The following TECPR1 variants were observed in gnomAD, a reference collection of about 807,000 sequenced individuals.
TECPR1 encodes the protein tectonin beta-propeller repeat containing 1.
Under a neutral mutation model 162.4 loss-of-function variants are expected in TECPR1, and 122 were observed. The observed-to-expected ratio is 0.75, with a 90% CI of 0.65 to 0.87. TECPR1 has a LOEUF of 0.87. TECPR1 is among the 40% of genes least tolerant of loss of function. The pLI is 0.00. For synonymous variants in TECPR1, 642 were observed against 670.6 expected (o/e 0.96, Z 0.66); for missense variants, 1,432 against 1,618.2 (o/e 0.88, Z 1.97).
chr7:98,240,971 C>T lies in TECPR1; in HGVS notation c.833-20G>A. On this transcript the variant is annotated intron_variant, in intron 7 of 25. Transcript: ENST00000447648. ...AACTTCCTACCGGGCCCCCAAGAAA[C>T]CCCCAGTGGCCCCCATCAGCCTGGA... The T allele has an allele frequency of 1.3e-6, 2 of 1,591,898 alleles. No homozygotes were observed. The highest frequency in any genetic ancestry group is 1.7e-6 in the Non-Finnish European group (2 of 1,170,504).
Position 98,218,085 on chromosome 7 carries a change from G to A in TECPR1, c.3158-43C>T, listed in dbSNP as rs757108507. The A allele has an allele frequency of 2.3e-5, 34 of 1,487,686 alleles. 1 individual carries two copies. The highest frequency in any genetic ancestry group is 3.7e-5 in the South Asian group (3 of 81,912). 92.2% of individuals were successfully genotyped at this position (1,487,686 alleles called of 1,614,324 possible). On this transcript the variant is annotated intron_variant, in intron 23 of 25. Transcript: ENST00000447648. ...GAGGGTCAAAGGGGAAGACCTTCCC[G>A]GCCCCTCCTGCCCGTGCGGCCCGGC...
intron 2 of TECPR1, among the ~76,000 whole-genome samples, chr7:98,246,449 T>G (rs1427832968): frequency 6.6e-6 from 1 of 151,968 alleles, no homozygotes; most frequent in Non-Finnish European, 1.5e-5. Context: ...GTATTTTTAG[T>G]AGAGACGGGG....
At chr7:98,236,973 C>T (rs1033949884) in intron 9 of TECPR1, 52 bp from the exon 10 acceptor site, 1 of 1,472,390 alleles carries the variant, frequency 6.8e-7, no homozygotes, top group East Asian at 2.5e-5. Context: ...CCCGGGGGCT[C>T]TTCTCGCTTC....
rs1798733255 is a variant in TECPR1, at chr7:98,241,026, C to T, written c.832+44G>A. 1.3e-6 allele frequency: 2 copies of T among 1,588,120 alleles called. No homozygotes were observed. Among genetic ancestry groups the T allele is most frequent in the Non-Finnish European group, 1.7e-6 (2 of 1,167,540 alleles). On this transcript the variant is annotated intron_variant, in intron 7 of 25. Transcript: ENST00000447648. This position sits in a 1 kb window ranked among gnomAD's most constrained non-coding sequence, Gnocchi z 5.0. ...TGGGGAGCGAGTGACCCTCACCCTT[C>T]TCCCCAGTACAGGGTATGTGGGTGG...
intron 16 of TECPR1, chr7:98,228,800 A>G: frequency 2.1e-6 from 1 of 478,762 alleles, no homozygotes; most frequent in Non-Finnish European, 3.7e-6. Context: ...GAGAGGCTGG[A>G]CATGCTGGTG....
chr7:98,218,179 T>C (rs1392929759), intron 23 of TECPR1, 137 bp from the exon 24 acceptor site: 2 of 678,380 alleles, frequency 2.9e-6, no homozygotes, highest in African/African-American at 1.8e-5. Context: ...AGGAGGGTCC[T>C]GGCCCCTGAG....
At chr7:98,242,266 AAG>A (rs1798770113) in intron 6 of TECPR1, among the ~76,000 whole-genome samples, 1 of 152,148 alleles carries the variant, frequency 6.6e-6, no homozygotes, top group Admixed American at 6.5e-5. Flanking sequence ...GTGCAACAGA[AAG>A]CCATGACTCG....
rs1173196791 is a variant in TECPR1 at position 98,232,443 on chromosome 7, G to A, written c.1818+384C>T. On this transcript the variant is annotated intron_variant, in intron 12 of 25. Coordinates refer to ENST00000447648, the MANE Select transcript of TECPR1 (RefSeq NM_015395.3). This position sits in a 1 kb window ranked among gnomAD's most constrained non-coding sequence, Gnocchi z 4.6. ...GGGCAGAAGCAGGGTCAGCCCAGGG[G>A]TGGGGTCTCCGGCCGCCCTCTGTGC... 2.0e-5 allele frequency among the ~76,000 whole-genome samples: 3 copies of A among 152,042 alleles called. No homozygotes were observed. The highest frequency in any genetic ancestry group is 4.4e-5 in the Non-Finnish European group (3 of 68,000).
At position 98,232,873 on chromosome 7, in the gene TECPR1, T is replaced by G; in HGVS notation, c.1772A>C (p.Lys591Thr). Residue 591 changes from lysine to threonine, a missense_variant, in exon 12 of 26, where the codon AAG becomes ACG. Transcript: ENST00000447648. The surrounding 1 kb of genome is among the most constrained non-coding windows in gnomAD (Gnocchi z 4.6). ...QIFQQLTERT[K>T]RELENFRHYE... ...GTGTCTGAAGTTCTCCAGCTCCCGCTTGGTCCTTTCCGTGAGCTGCTGGAA... is the reference window on the plus strand; with the variant it reads ...GTGTCTGAAGTTCTCCAGCTCCCGCGTGGTCCTTTCCGTGAGCTGCTGGAA... 6.2e-7 allele frequency: 1 copy of G among 1,612,660 alleles called. No individual in the cohort carries two copies. The highest frequency in any genetic ancestry group is 8.5e-7 in the Non-Finnish European group (1 of 1,179,772).
chr7:98,248,942 G>A (rs898210926), intron 2 of TECPR1, among the ~76,000 whole-genome samples: 1 of 150,350 alleles, frequency 6.7e-6, no homozygotes, highest in African/African-American at 2.5e-5. Context: ...AGGCTGGAGT[G>A]CAGTGGCATA....
At chr7:98,224,170 G>A (rs1025627723) in intron 19 of TECPR1, among the ~76,000 whole-genome samples, 25 of 152,290 alleles carry the variant, frequency 1.6e-4, no homozygotes, top group African/African-American at 5.1e-4. Flanking sequence ...GGCTGTGGCC[G>A]AGGGGACGGT....
At chr7:98,233,066 C>T (rs1347650992) in intron 11 of TECPR1, 94 bp from the exon 12 acceptor site, 1 of 1,419,438 alleles carries the variant, frequency 7.0e-7, no homozygotes, top group Non-Finnish European at 9.4e-7. Context: ...TCAGCCCTTT[C>T]TAGCTCAAAA....
chr7:98,226,593 T>C lies in TECPR1; in HGVS notation c.2513+1421A>G, dbSNP rs1480993016. 6 of 1,038,734 alleles carry C rather than the reference T, an allele frequency of 5.8e-6. No homozygotes were observed. The African/African-American group carries it at 6.8e-5, about 12-fold the overall frequency. The allele number at this position is 1,038,734 out of a possible 1,614,324, so 64.3% of individuals were successfully genotyped here. ...GAGATTAGAGTTGTCAGAGAGTTTGTTGTTTCTATTACTAAGTGTTTATTT... is the reference window on the plus strand; with the variant it reads ...GAGATTAGAGTTGTCAGAGAGTTTGCTGTTTCTATTACTAAGTGTTTATTT... On this transcript the variant is annotated intron_variant, in intron 17 of 25. Transcript: ENST00000447648.
rs1442352290 is a variant in TECPR1, at chr7:98,231,961, T to G, written c.1819-2A>C. ...CGCCCCGGTCTTCACCCACACCGAC[T>G]GCGCAGGCCGGGGCAGTGGACACCA... is the stretch of plus-strand genomic sequence containing the variant. On this transcript the variant is annotated splice_acceptor_variant, in intron 12 of 25. Coordinates refer to ENST00000447648, the MANE Select transcript of TECPR1 (RefSeq NM_015395.3). LOFTEE classifies it high-confidence loss of function. The G allele has an allele frequency of 3.1e-6, 5 of 1,600,660 alleles. No homozygotes were observed. Among genetic ancestry groups the G allele is most frequent in the Non-Finnish European group, 4.2e-6 (5 of 1,178,548 alleles).
chr7:98,218,783 G>A (rs1272400424), intron 23 of TECPR1, among the ~76,000 whole-genome samples: 2 of 151,936 alleles, frequency 1.3e-5, no homozygotes, highest in African/African-American at 2.4e-5. Context: ...ATCAGTGGAA[G>A]AATCAATATC....
intron 2 of TECPR1, 42 bp downstream of exon 2, chr7:98,251,352 G>A (rs997532601): frequency 6.6e-6 from 1 of 152,290 alleles, no homozygotes; most frequent in East Asian, 1.9e-4. Flanking sequence ...AGATGTGGTA[G>A]AGGAAAAGAC....
intron 8 of TECPR1, among the ~76,000 whole-genome samples, chr7:98,239,665 CA>C (rs1391565190): frequency 6.6e-6 from 1 of 152,110 alleles, no homozygotes; most frequent in African/African-American, 2.4e-5. Context: ...GTGGGGTGAC[CA>C]GGATCCAATG....
rs756024316 is a variant in TECPR1, at chr7:98,243,425, G to A, written c.657+42C>T. ...GCACAGGACAGGACCCACAGGAGGT[G>A]GGATCGTGGGGAGCCAGGGCAGGGA... On this transcript the variant is annotated intron_variant, in intron 6 of 25. Transcript: ENST00000447648. 2.2e-5 allele frequency: 35 copies of A among 1,608,452 alleles called. No individual in the cohort carries two copies. In the Admixed American group the frequency reaches 3.2e-4, roughly 15 times the overall value.
chr7:98,227,890 C>A, intron 17 of TECPR1, 124 bp downstream of exon 17: 1 of 668,640 alleles, frequency 1.5e-6, no homozygotes. Context: ...CGGTTAGTTT[C>A]CTGCTGGCGG....
Sources: allele counts gnomAD v4.1 joint callset (sites outside exome capture counted in the v4.1 genomes callset), GRCh38; gene constraint gnomAD v4.1.1; non-coding constraint Gnocchi (gnomAD v3.1); transcripts MANE v1.5; gene names NCBI Gene and HGNC (gene_info 2026-07-23, HGNC 2026-07-21).